The following ACSS3 variants were observed in gnomAD, a reference collection of about 807,000 sequenced individuals.
The protein encoded by ACSS3 is acyl-CoA synthetase short chain family member 3.
A neutral mutation model predicts 84.2 loss-of-function variants in ACSS3; 64 were observed. The ratio of observed to expected loss-of-function variants is 0.76; its 90% CI spans 0.62 to 0.94. The LOEUF is 0.94. ACSS3 is among the 40% of genes least tolerant of loss of function. The probability of loss-of-function intolerance (pLI) is 0.00; values close to 1 mark genes in which losing one functional copy is unlikely to be tolerated. For synonymous variants in ACSS3, 317 were observed against 310.1 expected, an observed-to-expected ratio of 1.02 and a Z score of -0.23; for missense variants, 815 against 867.6, an observed-to-expected ratio of 0.94 and a Z score of 0.76.
At chr12:81,104,478 G>A (rs1882803025) in intron 1 of ACSS3, among the ~76,000 whole-genome samples, 1 of 151,944 alleles carries the variant, frequency 6.6e-6, no homozygotes, top group African/African-American at 2.4e-5. Flanking sequence ...GGTGTAGCAA[G>A]GTGCCCCAGA....
intron 7 of ACSS3, among the ~76,000 whole-genome samples, chr12:81,172,273 A>AAAAAAAG (rs2030121257): frequency 6.6e-6 from 1 of 151,088 alleles, no homozygotes; most frequent in Non-Finnish European, 1.5e-5. Flanking sequence ...AAAAAAAAAA[A>AAAAAAAG]AAAAGGCCCT....
At chr12:81,144,903 C>CTTTTTT (rs1292727483) in intron 5 of ACSS3, among the ~76,000 whole-genome samples, 60 of 116,930 alleles carry the variant, frequency 5.1e-4, no homozygotes, top group South Asian at 1.4e-3. Context: ...TTTTTCTTTT[C>CTTTTTT]TTTTTTTTTT....
At chr12:81,252,016 ACT>A (rs1278938873) in intron 13 of ACSS3, among the ~76,000 whole-genome samples, 4 of 151,462 alleles carry the variant, frequency 2.6e-5, no homozygotes, top group Admixed American at 1.3e-4. Flanking sequence ...CTCCATTCTC[ACT>A]CTTTTTGTTC....
Position 81,127,370 on chromosome 12 carries a change from C to T in ACSS3, c.457-7446C>T, listed in dbSNP as rs759162829. 3.9e-5 allele frequency among the ~76,000 whole-genome samples: 6 copies of T among 152,028 alleles called. No individual in the cohort carries two copies. The East Asian group carries it at 9.6e-4, about 24-fold the overall frequency. ...AACTGATTATTTTCACAGATATTTA[C>T]CTGAATGCATAGTTAATGCATGGAC... On this transcript the variant is annotated intron_variant, in intron 2 of 15. Transcript: ENST00000548058.
chr12:81,162,403 G>A (rs1887195527), intron 7 of ACSS3, among the ~76,000 whole-genome samples: 1 of 152,166 alleles, frequency 6.6e-6, no homozygotes, highest in African/African-American at 2.4e-5. Context: ...CCTCTGGAAT[G>A]GATAACTCCT....
chr12:81,226,425 T>G lies in ACSS3; in HGVS notation c.1515-4632T>G, dbSNP rs375092638. On this transcript the variant is annotated intron_variant, in intron 11 of 15. Transcript: ENST00000548058. The stretch of plus-strand genomic sequence containing the variant: ...CTCCACGAATCATCTCACCAATTTC[T>G]AAGATTTCTGTAATTACCTAGCTAC... Among the ~76,000 whole-genome samples the G allele has an allele frequency of 4.0e-5, 6 of 151,836 alleles. No homozygotes were observed. In the East Asian group the frequency reaches 5.8e-4, roughly 15 times the overall value.
chr12:81,178,768 C>T (rs901077698), intron 8 of ACSS3, among the ~76,000 whole-genome samples: 1 of 152,162 alleles, frequency 6.6e-6, no homozygotes, highest in Non-Finnish European at 1.5e-5. Flanking sequence ...TTACCAATGA[C>T]ACTTTTCACA....
At chr12:81,155,538 T>C (rs1886820115) in intron 7 of ACSS3, among the ~76,000 whole-genome samples, 1 of 152,246 alleles carries the variant, frequency 6.6e-6, no homozygotes, top group Non-Finnish European at 1.5e-5. Context: ...TCTGTTAATG[T>C]TACCTCCATT....
At chr12:81,180,860 T>G (rs1033479038) in intron 8 of ACSS3, among the ~76,000 whole-genome samples, 2 of 152,186 alleles carry the variant, frequency 1.3e-5, no homozygotes, top group Admixed American at 1.3e-4. Flanking sequence ...TCAAAGATAA[T>G]TATAGCAAGT....
intron 2 of ACSS3, among the ~76,000 whole-genome samples, chr12:81,123,217 A>G (rs1360503359): frequency 6.6e-6 from 1 of 152,140 alleles, no homozygotes; most frequent in African/African-American, 2.4e-5. Context: ...TGGTGGAGGG[A>G]AAGGGGCAAT....
intron 1 of ACSS3, among the ~76,000 whole-genome samples, chr12:81,098,631 CT>C (rs1161024733): frequency 6.6e-6 from 1 of 152,114 alleles, no homozygotes; most frequent in African/African-American, 2.4e-5. Flanking sequence ...TGATACAATT[CT>C]TTAAAATTTT....
intron 12 of ACSS3, 87 bp downstream of exon 12, chr12:81,231,225 G>A (rs1012909433): frequency 2.2e-5 from 25 of 1,141,042 alleles, no homozygotes; most frequent in African/African-American, 4.8e-5. Context: ...TCCTAGAATC[G>A]TAGATCAAAA....
chr12:81,203,716 G>T (rs2032213364), intron 9 of ACSS3, among the ~76,000 whole-genome samples: 1 of 152,098 alleles, frequency 6.6e-6, no homozygotes, highest in South Asian at 2.1e-4. Flanking sequence ...ATTTAATGCT[G>T]TCATGAAGGA....
In ACSS3 at chr12:81,162,450, G is replaced by T. The variant is rs143070342; in HGVS notation, c.1098+10354G>T. Among the ~76,000 whole-genome samples, 58 of 152,272 alleles carry T rather than the reference G, an allele frequency of 3.8e-4. No homozygotes were observed. The East Asian group carries it at 0.01, about 27-fold the overall frequency. The stretch of plus-strand genomic sequence containing the variant: ...AGCTGTCCCTCAACTCTGTGAGTCT[G>T]GCTGAGTCTGGGGTTTTTATGGTCT... On this transcript the variant is annotated intron_variant, in intron 7 of 15. Transcript: ENST00000548058.
At position 81,139,129 on chromosome 12, in the gene ACSS3, A is replaced by T; in HGVS notation, c.646-2A>T. The T allele has an allele frequency of 2.5e-6, 4 of 1,612,034 alleles. No individual in the cohort carries two copies. The highest frequency in any genetic ancestry group is 2.5e-6 in the Non-Finnish European group (3 of 1,178,980). ...CTCTCCATTATTATTTTTTAATTGT[A>T]GCCCAAGGTGGTTGTTACAGCATCA... On this transcript the variant is annotated splice_acceptor_variant, in intron 3 of 15. Coordinates refer to ENST00000548058, the MANE Select transcript of ACSS3 (RefSeq NM_024560.4). LOFTEE classifies it high-confidence loss of function.
chr12:81,239,841 C>G (rs774046811), intron 13 of ACSS3, among the ~76,000 whole-genome samples: 3 of 151,868 alleles, frequency 2.0e-5, no homozygotes, highest in Non-Finnish European at 4.4e-5. Context: ...TCAAAAATAA[C>G]AGTTTGTTCA....
At chr12:81,141,478 T>C (rs1178676192) in intron 4 of ACSS3, among the ~76,000 whole-genome samples, 3 of 152,184 alleles carry the variant, frequency 2.0e-5, no homozygotes, top group African/African-American at 7.2e-5. Context: ...CCCTATGCTC[T>C]CCCAATACCG....
At position 81,216,392 on chromosome 12, in the gene ACSS3, C is replaced by T. The variant is rs73361264; in HGVS notation, c.1355-509C>T. Among the ~76,000 whole-genome samples the T allele has an allele frequency of 5.2e-3, 787 of 151,882 alleles. 8 individuals are homozygous for T. Among genetic ancestry groups the T allele is most frequent in the African/African-American group, 0.018 (732 of 41,412 alleles). ...ATATATTAAAAGTAATGGCAGAAAC[C>T]GCAATTACTTTTACATCAATGTAAT... On this transcript the variant is annotated intron_variant, in intron 9 of 15. Transcript: ENST00000548058.
At chr12:81,166,728 G>A (rs1887421143) in intron 7 of ACSS3, among the ~76,000 whole-genome samples, 1 of 152,128 alleles carries the variant, frequency 6.6e-6, no homozygotes, top group East Asian at 1.9e-4. Flanking sequence ...TTTCATTTTT[G>A]ACATGGAGAA....
Sources: allele counts gnomAD v4.1 joint callset (sites outside exome capture counted in the v4.1 genomes callset), GRCh38; gene constraint gnomAD v4.1.1; transcripts MANE v1.5; gene names NCBI Gene and HGNC (gene_info 2026-07-23, HGNC 2026-07-21).